PTPRC: variants seen among roughly 807,000 people sequenced by gnomAD.
PTPRC encodes protein tyrosine phosphatase receptor type C.
In PTPRC, 44 loss-of-function variants were observed where a neutral mutation model predicts 155.9. The ratio of observed to expected loss-of-function variants is 0.28; its 90% CI spans 0.22 to 0.36. PTPRC has a LOEUF of 0.36. Ranked by LOEUF, PTPRC falls within the 10% of genes least tolerant of loss-of-function variation. The pLI, the probability that PTPRC is intolerant of heterozygous loss-of-function variation, is 1.00. For missense variants in PTPRC, 1,401 were observed against 1,564.6 expected, an observed-to-expected ratio of 0.90 and a Z score of 1.76; for synonymous variants, 525 against 533.1, an observed-to-expected ratio of 0.98 and a Z score of 0.21.
At chr1:198,727,808 G>A (rs1346401231) in intron 15 of PTPRC, among the ~76,000 whole-genome samples, 1 of 152,106 alleles carries the variant, frequency 6.6e-6, no homozygotes, top group Non-Finnish European at 1.5e-5. Flanking sequence ...ATTTAAGTCA[G>A]GGTAAGTCTT....
chr1:198,726,279 T>C (rs532652853), intron 15 of PTPRC, among the ~76,000 whole-genome samples: 70 of 152,328 alleles, frequency 4.6e-4, no homozygotes, highest in African/African-American at 1.6e-3. Context: ...ATCACTGGTA[T>C]GGATTGACAA....
At chr1:198,723,008 A>G (rs1335772688) in intron 15 of PTPRC, among the ~76,000 whole-genome samples, 1 of 151,768 alleles carries the variant, frequency 6.6e-6, no homozygotes, top group Non-Finnish European at 1.5e-5. Context: ...TTTCATTATA[A>G]TAATGAAAAT....
At chr1:198,695,937 G>T (rs1666180431) in intron 3 of PTPRC, among the ~76,000 whole-genome samples, 1 of 152,072 alleles carries the variant, frequency 6.6e-6, no homozygotes, top group East Asian at 1.9e-4. Flanking sequence ...CGAGGCGGGT[G>T]GATCACGAGG....
At chr1:198,686,531 C>T (rs1665634397) in intron 2 of PTPRC, among the ~76,000 whole-genome samples, 1 of 152,100 alleles carries the variant, frequency 6.6e-6, no homozygotes, top group Admixed American at 6.5e-5. Context: ...AGAGAAAGCT[C>T]AATGCAGTTC....
chr1:198,755,415 G>A (rs954935251), intron 32 of PTPRC, among the ~76,000 whole-genome samples: 2 of 152,004 alleles, frequency 1.3e-5, no homozygotes, highest in Non-Finnish European at 2.9e-5. Flanking sequence ...CTTGCTATGT[G>A]CTCTTGCTAT....
chr1:198,649,346 G>A (rs1663114415), intron 2 of PTPRC, among the ~76,000 whole-genome samples: 1 of 151,724 alleles, frequency 6.6e-6, no homozygotes, highest in South Asian at 2.1e-4. Flanking sequence ...TGATGCTTTA[G>A]GTATGATAAA....
intron 2 of PTPRC, among the ~76,000 whole-genome samples, chr1:198,639,732 T>G (rs1453023774): frequency 6.6e-6 from 1 of 152,104 alleles, no homozygotes; most frequent in African/African-American, 2.4e-5. Flanking sequence ...AAATTTGATC[T>G]TTTAAAAAGT....
chr1:198,661,484 C>T (rs1663959395), intron 2 of PTPRC, among the ~76,000 whole-genome samples: 1 of 151,644 alleles, frequency 6.6e-6, no homozygotes, highest in South Asian at 2.1e-4. Context: ...CTCATATATG[C>T]TTTAATATTC....
rs1444834078 is a variant in PTPRC, at chr1:198,712,988, G to A, written c.1207G>A (p.Glu403Lys). 6.2e-7 allele frequency: 1 copy of A among 1,613,552 alleles called. No homozygotes were observed. The highest frequency in any genetic ancestry group is 1.3e-5 in the African/African-American group (1 of 74,890). Residue 403 changes from glutamate (E) to lysine (K), a missense_variant, in exon 12 of 33, where the codon GAA (glutamate) becomes AAA (lysine). Glu to Lys is a moderately conservative substitution (Grantham distance 56). This residue lies in a region of PTPRC where 867 missense variants were observed against 970.4 expected (regional missense o/e 0.89). Transcript: ENST00000442510. The part of the protein sequence containing the change: ...GEPQIIFCRS[E>K]AAHQGVITWN... ...GCCTCAGATTATTTTTTGTAGAAGT[G>A]AAGCTGCACATCAAGGAGTAATTAC...
chr1:198,732,895 G>A (rs970803013), intron 20 of PTPRC, among the ~76,000 whole-genome samples: 3 of 151,774 alleles, frequency 2.0e-5, no homozygotes, highest in Admixed American at 2.0e-4. Context: ...GTATAGGTGA[G>A]GACTGGGAGG....
intron 14 of PTPRC, among the ~76,000 whole-genome samples, chr1:198,721,239 C>T (rs1012698636): frequency 1.3e-5 from 2 of 152,096 alleles, no homozygotes; most frequent in Non-Finnish European, 2.9e-5. Flanking sequence ...GCTTTTTCAC[C>T]ATTGTGATCT....
chr1:198,679,298 T>C (rs1177435589), intron 2 of PTPRC: 1 of 151,466 alleles, frequency 6.6e-6, no homozygotes, highest in African/African-American at 2.5e-5. Flanking sequence ...AGTGGCCTGA[T>C]CTCGCCTCAC....
At chr1:198,755,842 A>T in intron 32 of PTPRC, 64 bp from the exon 33 acceptor site, 2 of 1,492,580 alleles carry the variant, frequency 1.3e-6, no homozygotes, top group South Asian at 2.3e-5. Flanking sequence ...GCTAATCTTC[A>T]TCTGGCATAA....
At chr1:198,740,306 A>G (rs1654840549) in intron 23 of PTPRC, among the ~76,000 whole-genome samples, 2 of 151,916 alleles carry the variant, frequency 1.3e-5, no homozygotes, top group African/African-American at 4.8e-5. Flanking sequence ...GGCCAGGTGC[A>G]GTGGCTCATG....
At chr1:198,712,406 T>C (rs115465099) in intron 11 of PTPRC, among the ~76,000 whole-genome samples, 1 of 152,180 alleles carries the variant, frequency 6.6e-6, no homozygotes, top group South Asian at 2.1e-4. Flanking sequence ...TTTCTTTATC[T>C]TGATTGTGGT....
intron 2 of PTPRC, among the ~76,000 whole-genome samples, chr1:198,680,545 A>C (rs1665261795): frequency 6.6e-6 from 1 of 152,078 alleles, no homozygotes; most frequent in Non-Finnish European, 1.5e-5. Context: ...ATGTAAAGTG[A>C]ATCGTAAAGA....
intron 2 of PTPRC, among the ~76,000 whole-genome samples, chr1:198,646,637 A>G (rs1662952116): frequency 6.6e-6 from 1 of 151,902 alleles, no homozygotes; most frequent in African/African-American, 2.4e-5. Context: ...TTTGAGCTAG[A>G]TTCATTTTGA....
intron 17 of PTPRC, among the ~76,000 whole-genome samples, chr1:198,731,288 T>C (rs1311708775): frequency 1.3e-5 from 2 of 152,026 alleles, no homozygotes; most frequent in Non-Finnish European, 2.9e-5. Context: ...TAAATAATTA[T>C]AGTAATTGCT....
At chr1:198,714,111 A>G (rs76293161) in intron 12 of PTPRC, among the ~76,000 whole-genome samples, 17,064 of 152,162 alleles carry the variant, frequency 0.11, 1,043 homozygotes, top group South Asian at 0.16. Context: ...CCAGGAAGAT[A>G]AAACAGCAGA....
Sources: gnomAD v4.1 joint callset for allele counts (sites outside exome capture counted in the v4.1 genomes callset) on GRCh38, gnomAD v4.1.1 for gene constraint, gnomAD v4.1.1 regional missense constraint, MANE v1.5 for transcripts, NCBI Gene and HGNC (gene_info 2026-07-23, HGNC 2026-07-21) for gene names.